Variants in CHRNB1 observed in about 807,000 individuals in gnomAD.
CHRNB1 encodes acetylcholine receptor subunit beta.
Under a neutral mutation model 53.8 loss-of-function variants are expected in CHRNB1, and 47 were observed. The ratio of observed to expected loss-of-function variants is 0.87; its 90% CI spans 0.69 to 1.11. The LOEUF (loss-of-function observed/expected upper bound fraction) is 1.11, where lower values mean the gene tolerates loss of function less well. Among genes scored for constraint, CHRNB1 ranks in the 50% most tolerant of loss-of-function variants. The pLI, the probability that CHRNB1 is intolerant of heterozygous loss-of-function variation, is 0.00. For synonymous variants in CHRNB1, 259 were observed against 263.5 expected (o/e 0.98, Z 0.16); for missense variants, 605 against 654.9 (o/e 0.92, Z 0.83).
In CHRNB1 at chr17:7,445,328, T is replaced by C. The variant is rs751068058; in HGVS notation, c.117T>C (p.Asp39=). ...GGGAGAAACTTTTCTCTGGCTATGA[T>C]AGCTCCGTGCGGCCAGCGCGGGAGG... is the stretch of plus-strand genomic sequence containing the variant. ...RLREKLFSGY[D]SSVRPAREVG... The change falls in exon 2 of 11, where the codon GAT becomes GAC. Residue 39 remains aspartate (D), a synonymous_variant. Coordinates refer to ENST00000306071, the MANE Select transcript of CHRNB1 (RefSeq NM_000747.3). The surrounding 1 kb of genome is among the most constrained non-coding windows in gnomAD (Gnocchi z 5.7). The C allele has an allele frequency of 1.9e-5, 31 of 1,613,170 alleles. No individual in the cohort carries two copies. The highest frequency in any genetic ancestry group is 2.6e-5 in the Non-Finnish European group (31 of 1,179,842).
intron 6 of CHRNB1, among the ~76,000 whole-genome samples, 179 bp from the exon 7 acceptor site, chr17:7,448,399 TA>T (rs1261067728): frequency 6.6e-6 from 1 of 151,966 alleles, no homozygotes; most frequent in African/African-American, 2.4e-5. Context: ...AATAAATAAA[TA>T]AAAATATGGA....
Position 7,454,400 on chromosome 17 carries a change from T to C in CHRNB1, c.924T>C (p.Ile308=), listed in dbSNP as rs759057934. 4 of 1,614,046 alleles carry C rather than the reference T, an allele frequency of 2.5e-6. No individual in the cohort carries two copies. Among genetic ancestry groups the C allele is most frequent in the East Asian group, 2.2e-5 (1 of 44,894 alleles). The change falls in exon 8 of 11, where the codon ATT becomes ATC. Residue 308 remains isoleucine (I), a synonymous_variant. Coordinates refer to ENST00000306071, the MANE Select transcript of CHRNB1 (RefSeq NM_000747.3). The part of the protein sequence containing the change: ...VPETSLSVPI[I]IKYLMFTMVL... ...AGACCTCACTATCAGTACCCATTAT[T>C]ATCAAGTACCTCATGTTTACCATGG...
At chr17:7,447,434 A>G (rs1358599271) in intron 5 of CHRNB1, 69 bp from the exon 6 acceptor site, 5 of 1,587,180 alleles carry the variant, frequency 3.2e-6, no homozygotes, top group Non-Finnish European at 4.3e-6. Context: ...GCCCTCCCCA[A>G]AGACCTCCCA....
chr17:7,457,107 C>T lies in CHRNB1; in HGVS notation c.*384C>T, dbSNP rs965126692. 8 of 249,794 alleles carry T rather than the reference C, an allele frequency of 3.2e-5. 1 individual carries two copies. Among genetic ancestry groups the T allele is most frequent in the East Asian group, 2.1e-4 (2 of 9,390 alleles). 15.5% of individuals were successfully genotyped at this position (249,794 alleles called of 1,614,324 possible). On this transcript the variant is annotated 3_prime_UTR_variant, in exon 11 of 11. Coordinates refer to ENST00000306071, the MANE Select transcript of CHRNB1 (RefSeq NM_000747.3). The stretch of plus-strand genomic sequence containing the variant: ...CCAAGGCGGGCGGATCACCTGAGGT[C>T]GGGAGTTTGAGACCAGCCCGACCAA...
In CHRNB1 at chr17:7,445,355, G is replaced by A. The variant is rs768429056; in HGVS notation, c.144G>A (p.Val48=). 8.1e-6 allele frequency: 13 copies of A among 1,612,902 alleles called. No individual in the cohort carries two copies. The South Asian group carries it at 8.8e-5, about 11-fold the overall frequency. ...GCTCCGTGCGGCCAGCGCGGGAGGTGGGAGACCGTGTCAGGGTCAGCGTTG... is the reference window on the plus strand; with the variant it reads ...GCTCCGTGCGGCCAGCGCGGGAGGTAGGAGACCGTGTCAGGGTCAGCGTTG... ...YDSSVRPARE[V]GDRVRVSVGL... The change falls in exon 2 of 11, where the codon GTG becomes GTA. Residue 48 remains valine (V), a synonymous_variant. Coordinates refer to ENST00000306071, the MANE Select transcript of CHRNB1 (RefSeq NM_000747.3). This position sits in a 1 kb window ranked among gnomAD's most constrained non-coding sequence, Gnocchi z 5.7.
intron 7 of CHRNB1, among the ~76,000 whole-genome samples, chr17:7,449,582 G>A (rs1341147619): frequency 6.6e-6 from 1 of 151,240 alleles, no homozygotes; most frequent in African/African-American, 2.4e-5. Flanking sequence ...TGATTTTTTT[G>A]TATTTTTGGT....
At chr17:7,446,702 C>T (rs1347266332) in intron 3 of CHRNB1, 131 bp from the exon 4 acceptor site, 2 of 691,664 alleles carry the variant, frequency 2.9e-6, no homozygotes, top group Non-Finnish European at 5.1e-6. Context: ...GCCAGAACCA[C>T]GGCCCCTTGA....
At position 7,454,383 on chromosome 17, in the gene CHRNB1, C is replaced by T. The variant is rs148217194; in HGVS notation, c.907C>T (p.Leu303=). ...LLADKVPETS[L]SVPIIIKYLM... Reference sequence around the variant, plus strand: ...GGCTGACAAAGTACCTGAGACCTCACTATCAGTACCCATTATTATCAAGTA... The same window carrying T: ...GGCTGACAAAGTACCTGAGACCTCATTATCAGTACCCATTATTATCAAGTA... Residue 303 remains leucine, a synonymous_variant, in exon 8 of 11, where the codon CTA becomes TTA. Transcript: ENST00000306071. 4 of 1,614,174 alleles carry T rather than the reference C, an allele frequency of 2.5e-6. No homozygotes were observed. Among genetic ancestry groups the T allele is most frequent in the Admixed American group, 1.7e-5 (1 of 60,024 alleles).
chr17:7,454,041 A>T (rs1219918164), intron 7 of CHRNB1, among the ~76,000 whole-genome samples: 1 of 152,130 alleles, frequency 6.6e-6, no homozygotes, highest in African/African-American at 2.4e-5. Context: ...AGCCTGGGTG[A>T]CAGAGCAAGA....
chr17:7,451,274 C>CTTTTTTTTTTTT (rs34769424), intron 7 of CHRNB1, among the ~76,000 whole-genome samples: 20 of 92,028 alleles, frequency 2.2e-4, no homozygotes, highest in Non-Finnish European at 2.9e-4. Context: ...CTTTTCTTTT[C>CTTTTTTTTTTTT]TTTTTTTTTT....
intron 8 of CHRNB1, 110 bp downstream of exon 8, chr17:7,454,630 G>A: frequency 1.2e-6 from 1 of 863,824 alleles, no homozygotes; most frequent in East Asian, 2.6e-5. Context: ...GTGTTGAAAT[G>A]TTGCACAGTT....
chr17:7,455,933 C>A lies in CHRNB1; in HGVS notation c.1357C>A (p.His453Asn). The change falls in exon 10 of 11, where the codon CAC (histidine) becomes AAC (asparagine). Residue 453 changes from histidine (H) to asparagine (N), a missense_variant. Coordinates refer to ENST00000306071, the MANE Select transcript of CHRNB1 (RefSeq NM_000747.3). ...IARQLQEQEDHDALKEDWQFV... is the reference protein window; with the variant it reads ...IARQLQEQEDNDALKEDWQFV... ...TCGACAGCTGCAGGAACAGGAGGAC[C>A]ACGATGCGGTATGTCCAACGGGGGT... The A allele has an allele frequency of 1.2e-6, 2 of 1,614,066 alleles. No homozygotes were observed. Among genetic ancestry groups the A allele is most frequent in the Non-Finnish European group, 1.7e-6 (2 of 1,180,026 alleles).
rs978254553 is a variant in CHRNB1, at chr17:7,456,992, C to T, written c.*269C>T. ...GTCGCCAGTGAAATAGAACACAGAA[C>T]AGGAACTAGATTATAAGCCTTATGA... On this transcript the variant is annotated 3_prime_UTR_variant, in exon 11 of 11. Coordinates refer to ENST00000306071, the MANE Select transcript of CHRNB1 (RefSeq NM_000747.3). The T allele has an allele frequency of 6.0e-6, 3 of 497,998 alleles. No homozygotes were observed. The highest frequency in any genetic ancestry group is 5.8e-5 in the African/African-American group (3 of 51,490). The allele number at this position is 497,998 out of a possible 1,614,324, so 30.8% of individuals were successfully genotyped here. A position where few individuals can be genotyped will look rare whatever the true frequency, so the allele number is the denominator to read the frequency against.
Position 7,445,561 on chromosome 17 carries a change from G to A in CHRNB1, c.198+152G>A. 6.7e-7 allele frequency: 1 copy of A among 1,500,162 alleles called. No individual in the cohort carries two copies. Among genetic ancestry groups the A allele is most frequent in the East Asian group, 2.5e-5 (1 of 40,632 alleles). 92.9% of individuals were successfully genotyped at this position (1,500,162 alleles called of 1,614,324 possible). Reference sequence around the variant, plus strand: ...TTTGGTGAAGATTGGATCGAAATCAGACCAATGGACAAGCTCTGGCCGTGG... The same window carrying A: ...TTTGGTGAAGATTGGATCGAAATCAAACCAATGGACAAGCTCTGGCCGTGG... On this transcript the variant is annotated intron_variant, in intron 2 of 10. Coordinates refer to ENST00000306071, the MANE Select transcript of CHRNB1 (RefSeq NM_000747.3). The surrounding 1 kb of genome is among the most constrained non-coding windows in gnomAD (Gnocchi z 5.7).
Position 7,457,022 on chromosome 17 carries a change from A to C in CHRNB1, c.*299A>C. The C allele has an allele frequency of 2.5e-6, 1 of 394,142 alleles. No individual in the cohort carries two copies. Among genetic ancestry groups the C allele is most frequent in the Non-Finnish European group, 4.7e-6 (1 of 210,858 alleles). The allele number at this position is 394,142 out of a possible 1,614,324, so 24.4% of individuals were successfully genotyped here. On this transcript the variant is annotated 3_prime_UTR_variant, in exon 11 of 11. Transcript: ENST00000306071. ...ACTAGATTATAAGCCTTATGAGGTCAAGAAATGTGACTTGGCCGGGCGCGG... is the reference window on the plus strand; with the variant it reads ...ACTAGATTATAAGCCTTATGAGGTCCAGAAATGTGACTTGGCCGGGCGCGG...
At chr17:7,449,104 ATT>A (rs34122873) in intron 7 of CHRNB1, among the ~76,000 whole-genome samples, 7 of 132,580 alleles carry the variant, frequency 5.3e-5, no homozygotes, top group African/African-American at 5.7e-5. Flanking sequence ...TACTCCTTTA[ATT>A]TTTTTTTTTT....
rs1250994214 is a variant in CHRNB1, at chr17:7,457,696, A to T, written c.*973A>T. The T allele has an allele frequency of 6.6e-6, 1 of 152,252 alleles. No homozygotes were observed. The highest frequency in any genetic ancestry group is 1.5e-5 in the Non-Finnish European group (1 of 68,042). The allele number at this position is 152,252 out of a possible 1,614,324, so 9.4% of individuals were successfully genotyped here. Reference sequence around the variant, plus strand: ...TGTGTACTATCTCTGGGATTAAAAAAAGTTATTTCTACAAGCATGCATTGG... The same window carrying T: ...TGTGTACTATCTCTGGGATTAAAAATAGTTATTTCTACAAGCATGCATTGG... On this transcript the variant is annotated 3_prime_UTR_variant, in exon 11 of 11. Transcript: ENST00000306071.
Position 7,447,075 on chromosome 17 carries a change from T to G in CHRNB1, c.386T>G (p.Ile129Ser), listed in dbSNP as rs762779280. Residue 129 changes from isoleucine to serine, a missense_variant, in exon 5 of 11, where the codon ATT becomes AGT. Transcript: ENST00000306071. ...GGGAATTTTGACGTGGCTCTGGACA[T>G]TAGCGTCGTGGTGTCCTCCGACGGC... is the stretch of plus-strand genomic sequence containing the variant. ...NDGNFDVALD[I>S]SVVVSSDGSV... 6.2e-7 allele frequency: 1 copy of G among 1,614,090 alleles called. No individual in the cohort carries two copies. Among genetic ancestry groups the G allele is most frequent in the South Asian group, 1.1e-5 (1 of 91,092 alleles).
rs1421099174 is a variant in CHRNB1, at chr17:7,447,499, C to T, written c.463-4C>T. 3 of 1,614,058 alleles carry T rather than the reference C, an allele frequency of 1.9e-6. No individual in the cohort carries two copies. The highest frequency in any genetic ancestry group is 3.3e-5 in the Admixed American group (2 of 60,000). Reference sequence around the variant, plus strand: ...CAGCTCTAGTGACTCTCTCCTCCATCCAGGTCACCTACTTCCCCTTCGACT... The same window carrying T: ...CAGCTCTAGTGACTCTCTCCTCCATTCAGGTCACCTACTTCCCCTTCGACT... On this transcript the variant is annotated splice_region_variant and splice_polypyrimidine_tract_variant and intron_variant, in intron 5 of 10. Transcript: ENST00000306071.
Sources: gnomAD v4.1 joint callset for allele counts (sites outside exome capture counted in the v4.1 genomes callset) on GRCh38, gnomAD v4.1.1 for gene constraint, Gnocchi (gnomAD v3.1) non-coding constraint, MANE v1.5 for transcripts, NCBI Gene and HGNC (gene_info 2026-07-23, HGNC 2026-07-21) for gene names.